The following MAF variants were observed in gnomAD, a reference collection of about 807,000 sequenced individuals.
MAF encodes the protein transcription factor Maf.
In MAF, 10 loss-of-function variants were observed where a neutral mutation model predicts 22.0. The ratio of observed to expected loss-of-function variants is 0.45; its 90% CI spans 0.28 to 0.77. The LOEUF is 0.77. MAF is among the 30% of genes least tolerant of loss of function. The pLI, the probability that MAF is intolerant of heterozygous loss-of-function variation, is 0.12. For synonymous variants in MAF, 337 were observed against 255.8 expected (o/e 1.32, Z -3.03); for missense variants, 544 against 548.4 (o/e 0.99, Z 0.08).
the MAF span, among the ~76,000 whole-genome samples, chr16:79,368,540 C>T: frequency 6.6e-6 from 1 of 152,092 alleles, no homozygotes; most frequent in African/African-American, 2.4e-5. Flanking sequence ...GAAGTGTCTA[C>T]TGTGCATAAT....
At chr16:79,452,458 A>T in the MAF span, among the ~76,000 whole-genome samples, 1 of 152,240 alleles carries the variant, frequency 6.6e-6, no homozygotes, top group East Asian at 1.9e-4. Flanking sequence ...ACAATTTATA[A>T]CTGGCATTTC....
chr16:79,386,676 A>G, the MAF span, among the ~76,000 whole-genome samples: 1 of 152,130 alleles, frequency 6.6e-6, no homozygotes, highest in South Asian at 2.1e-4. Context: ...GTAAAGCATG[A>G]TGATGTAAAG....
chr16:79,383,055 A>G, the MAF span, among the ~76,000 whole-genome samples: 2 of 152,232 alleles, frequency 1.3e-5, no homozygotes, highest in African/African-American at 2.4e-5. Context: ...TAGGGGCAAA[A>G]GAATAGATAA....
the MAF span, among the ~76,000 whole-genome samples, chr16:79,466,891 G>T: frequency 6.6e-6 from 1 of 152,168 alleles, no homozygotes; most frequent in Non-Finnish European, 1.5e-5. Flanking sequence ...CGGATCTGTG[G>T]CTTTTACCAG....
In MAF at chr16:79,599,267, G is replaced by C; in HGVS notation, c.636C>G (p.Gly212=). 1.0e-6 allele frequency: 1 copy of C among 978,528 alleles called. No homozygotes were observed. The highest frequency in any genetic ancestry group is 5.3e-4 in the Middle Eastern group (1 of 1,894). The allele number at this position is 978,528 out of a possible 1,614,324, so 60.6% of individuals were successfully genotyped here. A position where few individuals can be genotyped will look rare whatever the true frequency, so the allele number is the denominator to read the frequency against. The part of the protein sequence containing the change: ...AAGSAAASAG[G]AGGAGGGGPA... Reference sequence around the variant, plus strand: ...GGCCACCGCCGCCCGCGCCCCCAGCGCCACCGGCCGAGGCGGCCGCGCTGC... The same window carrying C: ...GGCCACCGCCGCCCGCGCCCCCAGCCCCACCGGCCGAGGCGGCCGCGCTGC... The change falls in exon 1 of 2, where the codon GGC becomes GGG. Residue 212 remains glycine (G), a synonymous_variant. Transcript: ENST00000326043.
the MAF span, among the ~76,000 whole-genome samples, chr16:79,505,403 C>T: frequency 5.3e-5 from 8 of 152,234 alleles, no homozygotes; most frequent in South Asian, 4.2e-4. Context: ...CCTTGTCCCT[C>T]AGTCACGGGA....
the MAF span, among the ~76,000 whole-genome samples, chr16:79,450,504 G>T: frequency 2.0e-5 from 3 of 152,162 alleles, no homozygotes; most frequent in African/African-American, 7.2e-5. Flanking sequence ...AAATAATAAG[G>T]AGGCTTTTCC....
the MAF span, among the ~76,000 whole-genome samples, chr16:79,336,359 C>T: frequency 7.1e-4 from 108 of 152,348 alleles, no homozygotes; most frequent in African/African-American, 2.6e-3. Context: ...GTTTAAGCAA[C>T]TTGCCCAAGG....
the MAF span, among the ~76,000 whole-genome samples, chr16:79,236,368 A>G: frequency 2.4e-4 from 36 of 151,858 alleles, no homozygotes; most frequent in African/African-American, 8.4e-4. Context: ...GAGCTCCTGT[A>G]CGTCCTCCAA....
the MAF span, among the ~76,000 whole-genome samples, chr16:79,385,441 T>C: frequency 6.6e-6 from 1 of 152,206 alleles, no homozygotes; most frequent in Non-Finnish European, 1.5e-5. Context: ...ACTCTGCCTG[T>C]TCTCTATGTA....
At chr16:79,506,716 G>A in the MAF span, among the ~76,000 whole-genome samples, 11 of 152,194 alleles carry the variant, frequency 7.2e-5, no homozygotes, top group African/African-American at 2.7e-4. Flanking sequence ...GAGGGGCATG[G>A]GTCTGTGAGC....
chr16:79,241,687 G>A, the MAF span, among the ~76,000 whole-genome samples: 15 of 151,840 alleles, frequency 9.9e-5, no homozygotes, highest in South Asian at 1.0e-3. Flanking sequence ...CAGGAAATAC[G>A]GACAACGCCA....
chr16:79,219,095 G>A, the MAF span, among the ~76,000 whole-genome samples: 12 of 152,312 alleles, frequency 7.9e-5, no homozygotes, highest in East Asian at 1.4e-3. Flanking sequence ...ATGCCCTGCT[G>A]CATCTTAGGC....
the MAF span, among the ~76,000 whole-genome samples, chr16:79,477,733 A>AT: frequency 5.1e-4 from 77 of 151,106 alleles, no homozygotes; most frequent in African/African-American, 1.6e-3. Flanking sequence ...TTTTTTTTAA[A>AT]TTTTTTTTTG....
the MAF span, among the ~76,000 whole-genome samples, chr16:79,302,298 G>A: frequency 6.6e-5 from 10 of 152,204 alleles, no homozygotes; most frequent in African/African-American, 2.2e-4. Flanking sequence ...AGCAGGCTGT[G>A]GGCTCTCTAA....
At chr16:79,361,944 T>G in the MAF span, among the ~76,000 whole-genome samples, 1 of 152,156 alleles carries the variant, frequency 6.6e-6, no homozygotes, top group Non-Finnish European at 1.5e-5. Flanking sequence ...CTATAATAAT[T>G]GCTATTTTGT....
the MAF span, among the ~76,000 whole-genome samples, chr16:79,265,409 C>A: frequency 6.6e-6 from 1 of 152,148 alleles, no homozygotes; most frequent in Non-Finnish European, 1.5e-5. Context: ...TCTCACTTCT[C>A]TCTTTCGCCA....
chr16:79,402,215 A>G, the MAF span, among the ~76,000 whole-genome samples: 3 of 152,230 alleles, frequency 2.0e-5, no homozygotes, highest in East Asian at 5.8e-4. Context: ...ACCTTTAGGA[A>G]GCAAGTGAGG....
At chr16:79,293,441 A>G in the MAF span, among the ~76,000 whole-genome samples, 1 of 152,246 alleles carries the variant, frequency 6.6e-6, no homozygotes, top group Non-Finnish European at 1.5e-5. Flanking sequence ...CTATTATGTA[A>G]TATACACTTT....
Sources: gnomAD v4.1 joint callset for allele counts (sites outside exome capture counted in the v4.1 genomes callset) on GRCh38, gnomAD v4.1.1 for gene constraint, MANE v1.5 for transcripts, NCBI Gene and HGNC (gene_info 2026-07-23, HGNC 2026-07-21) for gene names.